ITGB7: variants seen among roughly 807,000 people sequenced by gnomAD.
ITGB7 encodes the protein integrin beta-7.
A neutral mutation model predicts 83.4 loss-of-function variants in ITGB7; 55 were observed. The observed-to-expected ratio is 0.66, with a 90% CI of 0.53 to 0.83. The LOEUF (loss-of-function observed/expected upper bound fraction) is 0.83, where lower values mean the gene tolerates loss of function less well. ITGB7 is among the 40% of genes least tolerant of loss of function. The pLI, the probability that ITGB7 is intolerant of heterozygous loss-of-function variation, is 0.00. For missense variants in ITGB7, 921 were observed against 1,046.7 expected (o/e 0.88, Z 1.66); for synonymous variants, 454 against 423.6 (o/e 1.07, Z -0.88).
At position 53,192,432 on chromosome 12, in the gene ITGB7, C is replaced by T; in HGVS notation, c.2053G>A (p.Asp685Asn). The change falls in exon 14 of 16, where the codon GAT (aspartate) becomes AAT (asparagine). Residue 685 changes from aspartate to asparagine, a missense_variant. Asp to Asn is a conservative substitution (Grantham distance 23). Transcript: ENST00000267082. ...AGGGTCCGCTCTTTGCACCAGCCAT[C>T]ATCCAAGATAGGGGCCAAGGCCAGG... The part of the protein sequence containing the change: ...VTLALAPILD[D>N]GWCKERTLDN... 1 of 1,614,156 alleles carries T rather than the reference C, an allele frequency of 6.2e-7. No homozygotes were observed. The highest frequency in any genetic ancestry group is 8.5e-7 in the Non-Finnish European group (1 of 1,180,024).
At chr12:53,192,582 C>T (rs1565698268) in intron 13 of ITGB7, 44 bp from the exon 14 acceptor site, 1 of 1,600,172 alleles carries the variant, frequency 6.2e-7, no homozygotes, top group Non-Finnish European at 8.6e-7. Context: ...GCAGTTGTCA[C>T]CCAATGCCCC....
chr12:53,200,654 C>T (rs11574532), intron 2 of ITGB7, among the ~76,000 whole-genome samples: 11,099 of 152,116 alleles, frequency 0.073, 488 homozygotes, highest in Middle Eastern at 0.13. Context: ...GGCCTCCGGA[C>T]GTGGTGGCTC....
At chr12:53,199,424 C>T (rs1376666952) in intron 3 of ITGB7, among the ~76,000 whole-genome samples, 1 of 152,144 alleles carries the variant, frequency 6.6e-6, no homozygotes, top group Non-Finnish European at 1.5e-5. Context: ...TAGGCTACTA[C>T]ACACCCAGGA....
chr12:53,197,722 T>G (rs750116075), intron 4 of ITGB7, 28 bp downstream of exon 4: 668 of 1,590,756 alleles, frequency 4.2e-4, no homozygotes, highest in Non-Finnish European at 5.4e-4. Context: ...CCTAGACCTC[T>G]GGCCTGGCCC....
At chr12:53,202,310 A>C (rs1942339608) in intron 1 of ITGB7, among the ~76,000 whole-genome samples, 1 of 151,968 alleles carries the variant, frequency 6.6e-6, no homozygotes, top group African/African-American at 2.4e-5. Context: ...AGTGAGCTGC[A>C]ATTGTGCCAC....
At chr12:53,193,445 C>A in intron 11 of ITGB7, 82 bp from the exon 12 acceptor site, 1 of 1,037,892 alleles carries the variant, frequency 9.6e-7, no homozygotes. Context: ...CCTCTAAACC[C>A]AAGTTCTCAA....
At chr12:53,200,795 G>C (rs1247452750) in intron 2 of ITGB7, among the ~76,000 whole-genome samples, 1 of 152,040 alleles carries the variant, frequency 6.6e-6, no homozygotes, top group African/African-American at 2.4e-5. Flanking sequence ...CAGGCATGGT[G>C]GCGTGCACCT....
At chr12:53,205,739 T>A (rs1027448311) in intron 1 of ITGB7, among the ~76,000 whole-genome samples, 1 of 152,172 alleles carries the variant, frequency 6.6e-6, no homozygotes, top group Non-Finnish European at 1.5e-5. Context: ...CATAAACCAT[T>A]TGCATCTTCT....
intron 1 of ITGB7, among the ~76,000 whole-genome samples, chr12:53,205,285 A>C (rs1172005921): frequency 6.6e-6 from 1 of 152,092 alleles, no homozygotes; most frequent in East Asian, 1.9e-4. Context: ...TGCCGGCTCA[A>C]TTGATCCTTC....
Position 53,196,811 on chromosome 12 carries a change from G to A in ITGB7, c.584C>T (p.Ser195Phe). 6.3e-7 allele frequency: 1 copy of A among 1,595,832 alleles called. No homozygotes were observed. Among genetic ancestry groups the A allele is most frequent in the Non-Finnish European group, 8.6e-7 (1 of 1,165,204 alleles). Residue 195 changes from serine (S) to phenylalanine (F), a missense_variant, in exon 6 of 16, where the codon TCC (serine) becomes TTC (phenylalanine). Transcript: ENST00000267082. ...GGGCAGCACCGTTTTGTCCACAAAG[G>A]AACCAAAACCTGGGAGAGGAGAGGA... ...VTHSVRIGFG[S>F]FVDKTVLPFV... is the part of the protein sequence containing the mutation.
In ITGB7 at chr12:53,191,383, G is replaced by A; in HGVS notation, c.*173C>T. On this transcript the variant is annotated 3_prime_UTR_variant, in exon 16 of 16. Transcript: ENST00000267082. ...TAGCCCAGATGGATGCAAGGTTGCAGGCATGGGAAGCAGCCCTCTTGGGTG... is the reference window on the plus strand; with the variant it reads ...TAGCCCAGATGGATGCAAGGTTGCAAGCATGGGAAGCAGCCCTCTTGGGTG... 1 of 635,782 alleles carries A rather than the reference G, an allele frequency of 1.6e-6. No homozygotes were observed. Among genetic ancestry groups the A allele is most frequent in the Non-Finnish European group, 2.8e-6 (1 of 351,058 alleles). The allele number at this position is 635,782 out of a possible 1,614,324, so 39.4% of individuals were successfully genotyped here.
chr12:53,193,738 CCAT>C lies in ITGB7; in HGVS notation c.1469_1471del (p.Asp490del), dbSNP rs1942056296. ...TACACCACATTGTAGGTGTCCCTGG[CCAT>C]CACTGCAGTGGGGAGCCTGGGGCTG... On this transcript the variant is annotated inframe_deletion, in exon 11 of 16. Coordinates refer to ENST00000267082, the MANE Select transcript of ITGB7 (RefSeq NM_000889.3). 6.2e-7 allele frequency: 1 copy of C among 1,613,382 alleles called. No individual in the cohort carries two copies. Among genetic ancestry groups the C allele is most frequent in the African/African-American group, 1.3e-5 (1 of 74,876 alleles).
chr12:53,202,991 A>G (rs181192443), intron 1 of ITGB7, among the ~76,000 whole-genome samples: 193 of 152,348 alleles, frequency 1.3e-3, no homozygotes, highest in Non-Finnish European at 2.0e-3. Context: ...AAGAAAGTAT[A>G]TAGGTAAATC....
chr12:53,204,374 C>T (rs577611418), intron 1 of ITGB7, among the ~76,000 whole-genome samples: 3 of 146,610 alleles, frequency 2.0e-5, no homozygotes, highest in African/African-American at 5.0e-5. Context: ...GAGCAAAACT[C>T]GGTCTCAAAA....
At chr12:53,193,411 C>T in intron 11 of ITGB7, 48 bp from the exon 12 acceptor site, 4 of 1,362,942 alleles carry the variant, frequency 2.9e-6, no homozygotes, top group Non-Finnish European at 4.0e-6. Flanking sequence ...GGTTTGATCA[C>T]CCCTGACTTG....
chr12:53,196,264 T>G, intron 6 of ITGB7, 65 bp from the exon 7 acceptor site: 1 of 1,567,524 alleles, frequency 6.4e-7, no homozygotes, highest in Non-Finnish European at 8.7e-7. Context: ...CCCAGCCAGC[T>G]CTGTGAGCCA....
chr12:53,202,790 G>A (rs539529185), intron 1 of ITGB7, among the ~76,000 whole-genome samples: 7 of 152,074 alleles, frequency 4.6e-5, no homozygotes, highest in South Asian at 4.1e-4. Flanking sequence ...GTGAAACCCC[G>A]TCTCTACTAA....
rs1324409780 is a variant in ITGB7, at chr12:53,200,318, C to T, written c.126G>A (p.Leu42=). 6.2e-7 allele frequency: 1 copy of T among 1,614,168 alleles called. No individual in the cohort carries two copies. The highest frequency in any genetic ancestry group is 1.3e-5 in the African/African-American group (1 of 75,044). The change falls in exon 3 of 16, where the codon CTG becomes CTA. Residue 42 remains leucine (L), a synonymous_variant. Transcript: ENST00000267082. ...TEWRNPHLSM[L]GSCQPAPSCQ... ...AGGAGGGGGCTGGCTGGCAGGACCC[C>T]AGCATGGACAGGTGAGGATTCCGCC... is the stretch of plus-strand genomic sequence containing the variant.
intron 1 of ITGB7, among the ~76,000 whole-genome samples, chr12:53,203,647 C>CAAAAAAAAAAAAAAAAAAAAAAAAAA (rs1158624130): frequency 2.0e-5 from 1 of 51,054 alleles, no homozygotes. Context: ...GACCCTGTCT[C>CAAAAAAAAAAAAAAAAAAAAAAAAAA]AAAAAAAAAA....
Sources: gnomAD v4.1 joint callset for allele counts (sites outside exome capture counted in the v4.1 genomes callset) on GRCh38, gnomAD v4.1.1 for gene constraint, MANE v1.5 for transcripts, NCBI Gene and HGNC (gene_info 2026-07-23, HGNC 2026-07-21) for gene names.